Variants in RLF observed in about 807,000 individuals in gnomAD.
The protein encoded by RLF is RLF zinc finger.
In RLF, 7 loss-of-function variants were observed where a neutral mutation model predicts 162.9. The observed-to-expected ratio is 0.04, with a 90% CI of 0.02 to 0.08. RLF has a LOEUF of 0.08. Among genes scored for constraint, RLF ranks in the 10% least tolerant of loss-of-function variants. RLF has a pLI of 1.00. For synonymous variants in RLF, 782 were observed against 791.5 expected (o/e 0.99, Z 0.20); for missense variants, 1,664 against 2,244.7 (o/e 0.74, Z 5.23).
chr1:40,169,443 C>T (rs1237829707), intron 1 of RLF, among the ~76,000 whole-genome samples: 4 of 151,212 alleles, frequency 2.6e-5, no homozygotes, highest in Non-Finnish European at 5.9e-5. Flanking sequence ...GGTGAAACCC[C>T]GTCTCTACTA....
intron 5 of RLF, among the ~76,000 whole-genome samples, chr1:40,219,688 C>T (rs1642967842): frequency 3.3e-5 from 5 of 152,112 alleles, no homozygotes; most frequent in Admixed American, 3.3e-4. Flanking sequence ...TGTGAGATAC[C>T]ATGCTTAGGA....
At chr1:40,210,510 A>G (rs1289656711) in intron 5 of RLF, among the ~76,000 whole-genome samples, 1 of 152,200 alleles carries the variant, frequency 6.6e-6, no homozygotes, top group African/African-American at 2.4e-5. Flanking sequence ...GAGAAATAAG[A>G]CCTGTTGGGG....
At chr1:40,183,741 T>TA (rs879790689) in intron 1 of RLF, among the ~76,000 whole-genome samples, 102 of 145,290 alleles carry the variant, frequency 7.0e-4, no homozygotes, top group East Asian at 2.0e-3. Context: ...TTTCCTCATT[T>TA]AAAAAAAAAA....
intron 5 of RLF, among the ~76,000 whole-genome samples, chr1:40,205,465 A>G (rs1056517777): frequency 7.6e-5 from 11 of 144,424 alleles, no homozygotes; most frequent in South Asian, 2.2e-4. Flanking sequence ...TTAATTTACT[A>G]TCGAACATTT....
chr1:40,240,747 C>A lies in RLF; in HGVS notation c.*300C>A. 6.7e-6 allele frequency: 2 copies of A among 300,336 alleles called. No individual in the cohort carries two copies. The highest frequency in any genetic ancestry group is 6.3e-6 in the Non-Finnish European group (1 of 158,298). The allele number at this position is 300,336 out of a possible 1,614,324, so 18.6% of individuals were successfully genotyped here. ...GGCTTCCTTTTTCAAATTAAGTGTG[C>A]ATGATTGTATATGGAACAAATACTA... On this transcript the variant is annotated 3_prime_UTR_variant, in exon 8 of 8. Transcript: ENST00000372771.
chr1:40,226,513 A>C (rs927720329), intron 6 of RLF, among the ~76,000 whole-genome samples: 1 of 152,210 alleles, frequency 6.6e-6, no homozygotes, highest in Non-Finnish European at 1.5e-5. Context: ...ATGTAGTTAC[A>C]TGTCTGTTCT....
Position 40,238,235 on chromosome 1 carries a change from A to G in RLF, c.3533A>G (p.Gln1178Arg). The change falls in exon 8 of 8, where the codon CAA becomes CGA. Residue 1178 changes from glutamine (Q) to arginine (R), a missense_variant. Gln to Arg is a conservative substitution (Grantham distance 43). This residue lies in a region of RLF where 30 missense variants were observed against 116.5 expected (regional missense o/e 0.26). Transcript: ENST00000372771. The surrounding 1 kb of genome is among the most constrained non-coding windows in gnomAD (Gnocchi z 5.2). ...RYSPFQCHICQRSFTRKTHLR... is the reference protein window; with the variant it reads ...RYSPFQCHICRRSFTRKTHLR... ...TCCCCATTTCAGTGTCATATTTGCCAAAGGTCATTTACAAGAAAAACACAC... is the reference window on the plus strand; with the variant it reads ...TCCCCATTTCAGTGTCATATTTGCCGAAGGTCATTTACAAGAAAAACACAC... The G allele has an allele frequency of 6.2e-7, 1 of 1,614,144 alleles. No homozygotes were observed. Among genetic ancestry groups the G allele is most frequent in the Non-Finnish European group, 8.5e-7 (1 of 1,179,998 alleles).
At chr1:40,168,681 GCATTAAA>G (rs1011709170) in intron 1 of RLF, among the ~76,000 whole-genome samples, 11 of 152,184 alleles carry the variant, frequency 7.2e-5, no homozygotes, top group African/African-American at 2.2e-4. Context: ...CATATAAAAT[GCATTAAA>G]TTTTATATAA....
intron 5 of RLF, among the ~76,000 whole-genome samples, chr1:40,221,074 A>G (rs1221062097): frequency 1.3e-5 from 2 of 152,006 alleles, no homozygotes; most frequent in Non-Finnish European, 2.9e-5. Flanking sequence ...TGGAAACTTC[A>G]GTGAGCCGTG....
At chr1:40,168,386 C>T (rs1642195044) in intron 1 of RLF, among the ~76,000 whole-genome samples, 1 of 152,136 alleles carries the variant, frequency 6.6e-6, no homozygotes, top group South Asian at 2.1e-4. Context: ...GCTGGGACTA[C>T]AGGTGTGTGC....
Position 40,240,303 on chromosome 1 carries a change from A to G in RLF, c.5601A>G (p.Ala1867=), listed in dbSNP as rs1331275425. ...ACCTGAGGGTTGTATTGGACAAAGC[A>G]TTAACAGACTGTGGAGAGCTTGCCT... The part of the protein sequence containing the change: ...LENLRVVLDK[A]LTDCGELALK... The change falls in exon 8 of 8, where the codon GCA becomes GCG. Residue 1867 remains alanine, a synonymous_variant. Transcript: ENST00000372771. 1.7e-5 allele frequency: 27 copies of G among 1,614,240 alleles called. No homozygotes were observed. Among genetic ancestry groups the G allele is most frequent in the Non-Finnish European group, 2.3e-5 (27 of 1,180,042 alleles).
intron 4 of RLF, among the ~76,000 whole-genome samples, chr1:40,200,778 A>G (rs1642701033): frequency 1.3e-5 from 2 of 150,442 alleles, no homozygotes; most frequent in African/African-American, 2.4e-5. Flanking sequence ...TTTTCTTTAT[A>G]TTATTTTAAA....
intron 7 of RLF, among the ~76,000 whole-genome samples, chr1:40,233,666 G>A (rs923196442): frequency 3.3e-4 from 50 of 152,182 alleles, no homozygotes; most frequent in African/African-American, 1.0e-3. Flanking sequence ...GTTGTGGGAA[G>A]TCTGCCACTC....
intron 1 of RLF, among the ~76,000 whole-genome samples, chr1:40,168,531 T>A (rs1310875403): frequency 6.6e-6 from 1 of 152,042 alleles, no homozygotes; most frequent in Non-Finnish European, 1.5e-5. Flanking sequence ...GCGTGAGCCA[T>A]TGCACCCGGC....
At position 40,236,067 on chromosome 1, in the gene RLF, C is replaced by T. The variant is rs1353169095; in HGVS notation, c.1365C>T (p.Leu455=). The change falls in exon 8 of 8, where the codon CTC becomes CTT. Residue 455 remains leucine (L), a synonymous_variant. Transcript: ENST00000372771. The surrounding 1 kb of genome is among the most constrained non-coding windows in gnomAD (Gnocchi z 7.7). ...TTCCAAATTCTCTTCGATGTGAGCTCTTACTAGCTTTAAAAGCCCACTGGC... is the reference window on the plus strand; with the variant it reads ...TTCCAAATTCTCTTCGATGTGAGCTTTTACTAGCTTTAAAAGCCCACTGGC... The part of the protein sequence containing the change: ...APVPNSLRCE[L]LLALKAHWPF... 6.2e-7 allele frequency: 1 copy of T among 1,613,974 alleles called. No homozygotes were observed. Among genetic ancestry groups the T allele is most frequent in the African/African-American group, 1.3e-5 (1 of 74,926 alleles).
intron 1 of RLF, among the ~76,000 whole-genome samples, chr1:40,176,272 G>T (rs1642324986): frequency 6.6e-6 from 1 of 152,160 alleles, no homozygotes; most frequent in Admixed American, 6.5e-5. Context: ...AGGTGGAATG[G>T]CTGGGTCAGA....
At chr1:40,178,834 T>TTTTTTA (rs1447325489) in intron 1 of RLF, among the ~76,000 whole-genome samples, 1 of 151,776 alleles carries the variant, frequency 6.6e-6, no homozygotes, top group Non-Finnish European at 1.5e-5. Context: ...CTTATCACCA[T>TTTTTTA]TTTTTATTTT....
At chr1:40,199,782 A>C (rs1642686822) in intron 4 of RLF, among the ~76,000 whole-genome samples, 1 of 152,186 alleles carries the variant, frequency 6.6e-6, no homozygotes, top group South Asian at 2.1e-4. Context: ...GATGTTAGGC[A>C]GGCAGAATAG....
chr1:40,161,690 A>AG lies in RLF; in HGVS notation c.237+56dup. ...GGCGGGGCGGGGAAGTCAGGGAAGG[A>AG]GGCCCTGGATCCTCTGTAAGCAGCC... On this transcript the variant is annotated intron_variant, in intron 1 of 7. Transcript: ENST00000372771. The surrounding 1 kb of genome is among the most constrained non-coding windows in gnomAD (Gnocchi z 4.4). The AG allele has an allele frequency of 6.3e-7, 1 of 1,594,678 alleles. No homozygotes were observed. Among genetic ancestry groups the AG allele is most frequent in the South Asian group, 1.1e-5 (1 of 89,850 alleles).
Sources: gnomAD v4.1 joint callset for allele counts (sites outside exome capture counted in the v4.1 genomes callset) on GRCh38, gnomAD v4.1.1 for gene constraint, gnomAD v4.1.1 regional missense constraint, Gnocchi (gnomAD v3.1) non-coding constraint, MANE v1.5 for transcripts, NCBI Gene and HGNC (gene_info 2026-07-23, HGNC 2026-07-21) for gene names.